Variants in INPP4A observed in about 807,000 individuals in gnomAD.
The protein encoded by INPP4A is inositol polyphosphate-4-phosphatase, type I, 107kD.
Under a neutral mutation model 119.8 loss-of-function variants are expected in INPP4A, and 33 were observed. The observed-to-expected ratio is 0.28, with a 90% CI of 0.21 to 0.37. The LOEUF (loss-of-function observed/expected upper bound fraction) is 0.37. Among genes scored for constraint, INPP4A ranks in the 10% least tolerant of loss-of-function variants. The pLI, the probability that INPP4A is intolerant of heterozygous loss-of-function variation, is 1.00. For missense variants in INPP4A, 956 were observed against 1,289.9 expected, an observed-to-expected ratio of 0.74 and a Z score of 3.97; for synonymous variants, 496 against 500.7, an observed-to-expected ratio of 0.99 and a Z score of 0.12.
chr2:98,487,354 G>T (rs916224079), intron 1 of INPP4A, among the ~76,000 whole-genome samples: 1 of 152,090 alleles, frequency 6.6e-6, no homozygotes, highest in Non-Finnish European at 1.5e-5. Context: ...TGTTTTTGAT[G>T]ACCTTGACAG....
intron 22 of INPP4A, among the ~76,000 whole-genome samples, chr2:98,571,641 T>C (rs1697471804): frequency 6.6e-6 from 1 of 152,220 alleles, no homozygotes; most frequent in South Asian, 2.1e-4. Context: ...CTGGGGCAGA[T>C]GTGAGCCAGG....
chr2:98,449,318 A>G lies in INPP4A; in HGVS notation c.-166+4233A>G, dbSNP rs190553846. On this transcript the variant is annotated intron_variant, in intron 1 of 24. Transcript: ENST00000409851. ...TATTTATTAGTTGGAACTGTACTGA[A>G]AGGAAGAAACCTTCCTTTCTCTATT... 4.6e-3 allele frequency among the ~76,000 whole-genome samples: 703 copies of G among 152,330 alleles called. 12 individuals are homozygous for G. The highest frequency in any genetic ancestry group is 5.1e-3 in the Non-Finnish European group (345 of 68,024).
intron 1 of INPP4A, among the ~76,000 whole-genome samples, chr2:98,463,831 C>T (rs1246317015): frequency 1.3e-5 from 2 of 152,200 alleles, no homozygotes; most frequent in African/African-American, 2.4e-5. Context: ...CTAGGGTCTG[C>T]TGCATGCGGT....
In INPP4A at chr2:98,510,858, G is replaced by C. The variant is rs139115354; in HGVS notation, c.-165-8106G>C. 3.8e-4 allele frequency among the ~76,000 whole-genome samples: 58 copies of C among 152,312 alleles called. 2 individuals are homozygous for C. Among genetic ancestry groups the C allele is most frequent in the African/African-American group, 1.3e-3 (56 of 41,536 alleles). ...TTTATTAAACTAATGAGGCATGTCA[G>C]TTAAGTAAATGAAGTTAACTCATTG... On this transcript the variant is annotated intron_variant, in intron 1 of 24. Coordinates refer to ENST00000409851, the MANE Select transcript of INPP4A (RefSeq NM_001134225.2).
chr2:98,519,833 G>A, intron 2 of INPP4A, 113 bp from the exon 3 acceptor site: 1 of 549,344 alleles, frequency 1.8e-6, no homozygotes, highest in Non-Finnish European at 3.3e-6. Flanking sequence ...CTCACATGCT[G>A]GGGAACCCTG....
At chr2:98,567,007 C>T (rs1445344519) in intron 21 of INPP4A, among the ~76,000 whole-genome samples, 1 of 152,184 alleles carries the variant, frequency 6.6e-6, no homozygotes, top group African/African-American at 2.4e-5. Flanking sequence ...TGTCCATTGA[C>T]GCCTAGGTGT....
In INPP4A at chr2:98,570,105, C is replaced by T. The variant is rs893486048; in HGVS notation, c.2518+1437C>T. 1.3e-4 allele frequency among the ~76,000 whole-genome samples: 20 copies of T among 152,064 alleles called. No homozygotes were observed. Among genetic ancestry groups the T allele is most frequent in the African/African-American group, 1.7e-4 (7 of 41,396 alleles). On this transcript the variant is annotated intron_variant, in intron 22 of 24. Transcript: ENST00000409851. This position sits in a 1 kb window ranked among gnomAD's most constrained non-coding sequence, Gnocchi z 4.3. ...CTCTGGGCAAGGACGCTGGAGTTGCCGGCAACAGCTGGGGCCGTCCCGCTG... is the reference window on the plus strand; with the variant it reads ...CTCTGGGCAAGGACGCTGGAGTTGCTGGCAACAGCTGGGGCCGTCCCGCTG...
intron 4 of INPP4A, among the ~76,000 whole-genome samples, chr2:98,528,244 T>C (rs1688529464): frequency 6.6e-6 from 1 of 151,940 alleles, no homozygotes; most frequent in African/African-American, 2.4e-5. Context: ...TTCAAAATTA[T>C]AATAACTGAA....
At position 98,567,603 on chromosome 2, in the gene INPP4A, C is replaced by T. The variant is rs58009906; in HGVS notation, c.2421-968C>T. Among the ~76,000 whole-genome samples, 586 of 152,308 alleles carry T rather than the reference C, an allele frequency of 3.8e-3. 4 individuals carry two copies. The highest frequency in any genetic ancestry group is 0.013 in the African/African-American group (541 of 41,556). ...GTTTCTAGAGAGGGCTGAGCCAGAG[C>T]CAGGTGCATTGAATAGAGGGGAGGG... is the stretch of plus-strand genomic sequence containing the variant. On this transcript the variant is annotated intron_variant, in intron 21 of 24. Transcript: ENST00000409851.
chr2:98,535,105 A>C (rs1689990307), intron 5 of INPP4A, among the ~76,000 whole-genome samples: 1 of 152,152 alleles, frequency 6.6e-6, no homozygotes, highest in African/African-American at 2.4e-5. Context: ...TGGCTGTGAT[A>C]ATTACCTGGT....
intron 24 of INPP4A, among the ~76,000 whole-genome samples, chr2:98,584,333 C>A (rs898571205): frequency 8.5e-5 from 13 of 152,238 alleles, no homozygotes; most frequent in African/African-American, 3.1e-4. Context: ...GGTTCCAATG[C>A]CTGTAGTGGT....
intron 22 of INPP4A, among the ~76,000 whole-genome samples, chr2:98,571,292 A>G (rs1326327020): frequency 6.6e-6 from 1 of 152,212 alleles, no homozygotes; most frequent in Non-Finnish European, 1.5e-5. Context: ...ATGGAGGGCA[A>G]GTCTCCCCAG....
chr2:98,566,310 C>T lies in INPP4A; in HGVS notation c.2420+141C>T, dbSNP rs562202802. On this transcript the variant is annotated intron_variant, in intron 21 of 24. Transcript: ENST00000409851. The surrounding 1 kb of genome is among the most constrained non-coding windows in gnomAD (Gnocchi z 4.2). ...CTTTGGCCAACATTTTCATCATGGC[C>T]GTGCACCTCACTGTCTTTGGTGCTA... 4.7e-5 allele frequency: 44 copies of T among 939,776 alleles called. No homozygotes were observed. In the African/African-American group the frequency reaches 6.4e-4, roughly 14 times the overall value. 58.2% of individuals were successfully genotyped at this position (939,776 alleles called of 1,614,324 possible). A position where few individuals can be genotyped will look rare whatever the true frequency, so the allele number is the denominator to read the frequency against.
chr2:98,478,565 G>A (rs943661286), intron 1 of INPP4A, among the ~76,000 whole-genome samples: 7 of 152,156 alleles, frequency 4.6e-5, no homozygotes, highest in Non-Finnish European at 1.0e-4. Flanking sequence ...TTAACTCTGG[G>A]CACTCCCTCC....
At chr2:98,575,939 T>C (rs1040113709) in intron 23 of INPP4A, among the ~76,000 whole-genome samples, 2 of 152,238 alleles carry the variant, frequency 1.3e-5, no homozygotes, top group African/African-American at 4.8e-5. Context: ...TAGAAAGTAC[T>C]GTGGTACACA....
chr2:98,491,945 A>C (rs1186275682), intron 1 of INPP4A, among the ~76,000 whole-genome samples: 1 of 152,106 alleles, frequency 6.6e-6, no homozygotes, highest in African/African-American at 2.4e-5. Context: ...GCTAGAGTAC[A>C]GTGGCGCGAT....
At chr2:98,585,452 C>G (rs773336816) in intron 24 of INPP4A, among the ~76,000 whole-genome samples, 13 of 152,194 alleles carry the variant, frequency 8.5e-5, no homozygotes, top group Non-Finnish European at 1.8e-4. Context: ...TTGCTAAAAT[C>G]TAAGACCACC....
At chr2:98,449,718 T>C (rs1000867828) in intron 1 of INPP4A, among the ~76,000 whole-genome samples, 8 of 152,244 alleles carry the variant, frequency 5.3e-5, no homozygotes, top group African/African-American at 1.9e-4. Context: ...ATGCTCTCAT[T>C]GTAAACATAA....
In INPP4A at chr2:98,570,571, G is replaced by A; in HGVS notation, c.2518+1903G>A. ...AAAGACTGTCAGCAACTTGAGGGAT[G>A]GGGCTGTGGGCAGGTGGGACACACC... is the stretch of plus-strand genomic sequence containing the variant. On this transcript the variant is annotated intron_variant, in intron 22 of 24. Transcript: ENST00000409851. This position sits in a 1 kb window ranked among gnomAD's most constrained non-coding sequence, Gnocchi z 4.3. Among the ~76,000 whole-genome samples, 1 of 152,172 alleles carries A rather than the reference G, an allele frequency of 6.6e-6. No individual in the cohort carries two copies. The highest frequency in any genetic ancestry group is 3.2e-3 in the Middle Eastern group (1 of 316).
Sources: gnomAD v4.1 joint callset for allele counts (sites outside exome capture counted in the v4.1 genomes callset) on GRCh38, gnomAD v4.1.1 for gene constraint, Gnocchi (gnomAD v3.1) non-coding constraint, MANE v1.5 for transcripts, NCBI Gene and HGNC (gene_info 2026-07-23, HGNC 2026-07-21) for gene names.